KPNA5: variants seen among roughly 807,000 people sequenced by gnomAD.
KPNA5 encodes the protein importin subunit alpha-6.
Under a neutral mutation model 71.3 loss-of-function variants are expected in KPNA5, and 46 were observed. That is an observed-to-expected ratio of 0.65 (90% CI 0.51 to 0.83). The LOEUF (loss-of-function observed/expected upper bound fraction) is 0.83. KPNA5 is among the 40% of genes least tolerant of loss of function. The pLI is 0.00. For missense variants in KPNA5, 547 were observed against 628.3 expected, an observed-to-expected ratio of 0.87 and a Z score of 1.38; for synonymous variants, 207 against 201.4, an observed-to-expected ratio of 1.03 and a Z score of -0.24.
At chr6:116,708,374 G>A (rs1312171310) in intron 7 of KPNA5, among the ~76,000 whole-genome samples, 1 of 152,164 alleles carries the variant, frequency 6.6e-6, no homozygotes, top group Non-Finnish European at 1.5e-5. Context: ...AGCAATGTAT[G>A]AGTGTTCTAA....
rs111831361 is a variant in KPNA5 at position 116,722,265 on chromosome 6, G to C, written c.896G>C (p.Cys299Ser). The change falls in exon 9 of 14, where the codon TGT (cysteine) becomes TCT (serine). Residue 299 changes from cysteine to serine, a missense_variant. By Grantham distance (112) the Cys-to-Ser change is moderately radical. Transcript: ENST00000368564. ...KIQAVIDSGV[C>S]RRLVELLMHN... is the part of the protein sequence containing the mutation. ...CAAGCAGTCATTGATTCTGGAGTCT[G>C]TCGAAGATTGGTGGAACTTTTGATG... 6.2e-7 allele frequency: 1 copy of C among 1,608,566 alleles called. No homozygotes were observed. Among genetic ancestry groups the C allele is most frequent in the South Asian group, 1.1e-5 (1 of 89,464 alleles).
At chr6:116,724,445 T>G (rs987385016) in intron 10 of KPNA5, 70 bp downstream of exon 10, 2 of 987,062 alleles carry the variant, frequency 2.0e-6, no homozygotes, top group African/African-American at 3.2e-5. Context: ...TTCATACAAC[T>G]TGATTACATA....
chr6:116,682,958 G>A (rs896808144), intron 1 of KPNA5, among the ~76,000 whole-genome samples: 5 of 152,196 alleles, frequency 3.3e-5, no homozygotes, highest in Non-Finnish European at 2.9e-5. Context: ...TCTGAAGCCG[G>A]AAGTCAGTAC....
chr6:116,690,762 C>T (rs138288056), intron 2 of KPNA5, among the ~76,000 whole-genome samples: 2 of 152,186 alleles, frequency 1.3e-5, no homozygotes, highest in African/African-American at 4.8e-5. Context: ...TTCCAGGATC[C>T]TCTGCAGATA....
intron 1 of KPNA5, chr6:116,681,583 G>A: frequency 1.6e-6 from 2 of 1,217,868 alleles, no homozygotes; most frequent in Non-Finnish European, 2.1e-6. Flanking sequence ...CAGGTCCTCT[G>A]GAGTGATGGG....
At chr6:116,726,694 T>A in intron 12 of KPNA5, 72 bp downstream of exon 12, 1 of 1,249,736 alleles carries the variant, frequency 8.0e-7, no homozygotes, top group Non-Finnish European at 1.1e-6. Flanking sequence ...ATATTTTAAT[T>A]TACTGATGGA....
At chr6:116,730,494 A>G (rs781570719) in intron 13 of KPNA5, among the ~76,000 whole-genome samples, 4 of 152,196 alleles carry the variant, frequency 2.6e-5, no homozygotes, top group Non-Finnish European at 5.9e-5. Context: ...GTATACCAAA[A>G]TAAGCATCTT....
chr6:116,719,713 G>C (rs1046197900), intron 8 of KPNA5, among the ~76,000 whole-genome samples: 3 of 152,102 alleles, frequency 2.0e-5, no homozygotes, highest in African/African-American at 7.2e-5. Flanking sequence ...GCTGACTGTG[G>C]TAGCACATGC....
chr6:116,726,758 A>G lies in KPNA5; in HGVS notation c.1253+136A>G, dbSNP rs547912143. On this transcript the variant is annotated intron_variant, in intron 12 of 13. Transcript: ENST00000368564. ...ATAATATGAAATGACAGCATGTATT[A>G]TATCAGTTACTCATTCACAATTTTT... 1.8e-4 allele frequency: 142 copies of G among 784,464 alleles called. 1 individual carries two copies. The African/African-American group carries it at 2.7e-3, about 15-fold the overall frequency. The allele number at this position is 784,464 out of a possible 1,614,324, so 48.6% of individuals were successfully genotyped here. A position where few individuals can be genotyped will look rare whatever the true frequency, so the allele number is the denominator to read the frequency against.
In KPNA5 at chr6:116,734,570, TCTTGGCTTGG is replaced by T. The variant is rs146508137; in HGVS notation, c.*2261_*2270del. On this transcript the variant is annotated 3_prime_UTR_variant, in exon 14 of 14. Transcript: ENST00000368564. ...GCACTGTATAGCAGTTGGGACCAGC[TCTTGGCTTGG>T]CTTGGCTTGGCTTATTGTTAAGAGT... 2.0e-5 allele frequency: 3 copies of T among 151,514 alleles called. No individual in the cohort carries two copies. The highest frequency in any genetic ancestry group is 3.0e-5 in the Non-Finnish European group (2 of 67,662). 9.4% of individuals were successfully genotyped at this position (151,514 alleles called of 1,614,324 possible). A position where few individuals can be genotyped will look rare whatever the true frequency, so the allele number is the denominator to read the frequency against.
chr6:116,732,024 C>T (rs1476845177), intron 13 of KPNA5, 112 bp from the exon 14 acceptor site: 3 of 206,818 alleles, frequency 1.5e-5, no homozygotes, highest in African/African-American at 5.0e-5. Flanking sequence ...AGATGATGTT[C>T]ACTTATTATT....
At chr6:116,717,025 G>T (rs1778912172) in intron 8 of KPNA5, among the ~76,000 whole-genome samples, 1 of 151,970 alleles carries the variant, frequency 6.6e-6, no homozygotes, top group Non-Finnish European at 1.5e-5. Context: ...CTCAAGAGTT[G>T]AGATTTAATA....
intron 8 of KPNA5, among the ~76,000 whole-genome samples, chr6:116,720,108 C>G (rs1473607907): frequency 1.3e-5 from 2 of 152,158 alleles, no homozygotes; most frequent in African/African-American, 4.8e-5. Context: ...AGTAGGGACC[C>G]AAAGTCTATC....
At chr6:116,694,722 G>C (rs1450316592) in intron 4 of KPNA5, among the ~76,000 whole-genome samples, 1 of 151,894 alleles carries the variant, frequency 6.6e-6, no homozygotes, top group Non-Finnish European at 1.5e-5. Context: ...ATAAAATAAT[G>C]TAATCAGGCA....
intron 8 of KPNA5, among the ~76,000 whole-genome samples, chr6:116,717,546 C>T (rs1234469673): frequency 6.6e-6 from 1 of 152,098 alleles, no homozygotes; most frequent in Non-Finnish European, 1.5e-5. Flanking sequence ...TTTCTTGCAT[C>T]CTCAGAAGAA....
intron 11 of KPNA5, 103 bp downstream of exon 11, chr6:116,725,979 C>A: frequency 8.4e-6 from 11 of 1,302,696 alleles, no homozygotes; most frequent in East Asian, 2.4e-5. Context: ...TAAAAAGATA[C>A]CGAAAAAGTA....
At chr6:116,683,993 A>G (rs901985581) in intron 1 of KPNA5, among the ~76,000 whole-genome samples, 2 of 125,420 alleles carry the variant, frequency 1.6e-5, no homozygotes, top group African/African-American at 6.1e-5. Context: ...GCTCACTGCA[A>G]CCTCTGCCTC....
intron 7 of KPNA5, among the ~76,000 whole-genome samples, chr6:116,714,985 C>G (rs577808576): frequency 6.6e-6 from 1 of 152,214 alleles, no homozygotes; most frequent in African/African-American, 2.4e-5. Flanking sequence ...GTTAAAATGC[C>G]GCAAAGCTTT....
At chr6:116,702,362 A>C (rs182515936) in intron 6 of KPNA5, among the ~76,000 whole-genome samples, 1 of 152,200 alleles carries the variant, frequency 6.6e-6, no homozygotes, top group African/African-American at 2.4e-5. Flanking sequence ...CACAGCTAGC[A>C]TAGGAATTAC....
Sources: gnomAD v4.1 joint callset for allele counts (sites outside exome capture counted in the v4.1 genomes callset) on GRCh38, gnomAD v4.1.1 for gene constraint, MANE v1.5 for transcripts, NCBI Gene and HGNC (gene_info 2026-07-23, HGNC 2026-07-21) for gene names.